Variants in MGA observed in about 807,000 individuals in gnomAD.
MGA encodes the protein MAX dimerization protein MGA, also known as MAX gene-associated protein.
A neutral mutation model predicts 261.1 loss-of-function variants in MGA; 40 were observed. The observed-to-expected ratio is 0.15, with a 90% confidence interval of 0.12 to 0.20. MGA has a LOEUF of 0.20. Ranked by LOEUF, MGA falls within the 10% of genes least tolerant of loss-of-function variation. MGA has a pLI of 1.00. For missense variants in MGA, 3,397 were observed against 3,630.5 expected, an observed-to-expected ratio of 0.94 and a Z score of 1.65; for synonymous variants, 1,302 against 1,290.6, an observed-to-expected ratio of 1.01 and a Z score of -0.19.
intron 15 of MGA, among the ~76,000 whole-genome samples, chr15:41,747,831 ATTTT>A (rs1309580636): frequency 6.6e-6 from 1 of 152,144 alleles, no homozygotes; most frequent in African/African-American, 2.4e-5. Flanking sequence ...TTGATACTCT[ATTTT>A]TTACCATTCT....
intron 1 of MGA, among the ~76,000 whole-genome samples, chr15:41,631,629 G>A (rs143367662): frequency 2.0e-5 from 3 of 152,152 alleles, no homozygotes; most frequent in Non-Finnish European, 2.9e-5. Context: ...TTCCTCCTCC[G>A]CATACTTTGT....
intron 1 of MGA, among the ~76,000 whole-genome samples, chr15:41,651,614 C>CCTCTCTTCTCTCCTCTT (rs2057045866): frequency 1.5e-5 from 1 of 65,262 alleles, no homozygotes; most frequent in Non-Finnish European, 3.8e-5. Context: ...TCCCTTTTCC[C>CCTCTCTTCTCTCCTCTT]CTCTCCTCTC....
rs1233466689 is a variant in MGA at position 41,696,695 on chromosome 15, C to G, written c.1685C>G (p.Thr562Arg). Reference sequence around the variant, plus strand: ...CCTGATATATCTGACAGCATTAGCACAGAAAGAATACTCGACGATTCAAAG... The same window carrying G: ...CCTGATATATCTGACAGCATTAGCAGAGAAAGAATACTCGACGATTCAAAG... The change falls in exon 3 of 24, where the codon ACA (threonine) becomes AGA (arginine). Residue 562 changes from threonine to arginine, a missense_variant. By Grantham distance (71) the Thr-to-Arg change is moderately conservative (BLOSUM62 -1). Transcript: ENST00000219905. The G allele has an allele frequency of 1.9e-6, 3 of 1,612,756 alleles. No individual in the cohort carries two copies. Among genetic ancestry groups the G allele is most frequent in the Middle Eastern group, 1.7e-4 (1 of 6,060 alleles).
intron 5 of MGA, among the ~76,000 whole-genome samples, chr15:41,702,758 T>C (rs962187680): frequency 2.0e-5 from 3 of 152,242 alleles, no homozygotes; most frequent in Non-Finnish European, 2.9e-5. Context: ...ATTGGTCTGC[T>C]TTTTAAGTCT....
intron 7 of MGA, among the ~76,000 whole-genome samples, chr15:41,709,597 A>G (rs1237469061): frequency 6.6e-6 from 1 of 151,648 alleles, no homozygotes; most frequent in African/African-American, 2.4e-5. Flanking sequence ...GGTGTGCGCC[A>G]CCATGCCTGG....
intron 5 of MGA, among the ~76,000 whole-genome samples, chr15:41,706,035 G>T (rs527637264): frequency 6.6e-6 from 1 of 152,032 alleles, no homozygotes; most frequent in African/African-American, 2.4e-5. Flanking sequence ...TCAGGATTTC[G>T]AGAGCAGCCT....
chr15:41,635,169 A>G lies in MGA; in HGVS notation c.-68+13871A>G, dbSNP rs559926656. Reference sequence around the variant, plus strand: ...GCCAACATGGCAAAACCCCATCTCTACTAAAAATACAAAAATTGGCCGGGT... The same window carrying G: ...GCCAACATGGCAAAACCCCATCTCTGCTAAAAATACAAAAATTGGCCGGGT... On this transcript the variant is annotated intron_variant, in intron 1 of 8. Coordinates refer to the MGA transcript ENST00000566718. Among the ~76,000 whole-genome samples the G allele has an allele frequency of 3.3e-5, 5 of 151,972 alleles. No individual in the cohort carries two copies. The South Asian group carries it at 8.3e-4, about 25-fold the overall frequency.
intron 9 of MGA, among the ~76,000 whole-genome samples, chr15:41,722,695 G>A (rs80257413): frequency 0.013 from 2,017 of 152,214 alleles, 49 homozygotes; most frequent in African/African-American, 0.046. Flanking sequence ...GATCCAAAAT[G>A]CCTACAAAAA....
At chr15:41,744,864 ATG>A (rs769190673) in intron 15 of MGA, among the ~76,000 whole-genome samples, 1 of 151,954 alleles carries the variant, frequency 6.6e-6, no homozygotes, top group Admixed American at 6.6e-5. Flanking sequence ...TTATATGTAA[ATG>A]TGTGTGTGTT....
At chr15:41,713,590 A>G in intron 9 of MGA, 94 bp downstream of exon 9, 3 of 1,366,216 alleles carry the variant, frequency 2.2e-6, no homozygotes, top group South Asian at 1.6e-5. Flanking sequence ...ATCCCGATCA[A>G]TTATCCAATA....
chr15:41,676,590 A>G (rs1359898678), intron 2 of MGA, among the ~76,000 whole-genome samples: 1 of 152,142 alleles, frequency 6.6e-6, no homozygotes, highest in Non-Finnish European at 1.5e-5. Flanking sequence ...TATGGCAGGC[A>G]TTTTTAAGGG....
intron 2 of MGA, among the ~76,000 whole-genome samples, chr15:41,676,265 C>G (rs551036185): frequency 6.7e-4 from 102 of 152,270 alleles, no homozygotes; most frequent in African/African-American, 2.4e-3. Flanking sequence ...TCACTGCAAC[C>G]TCCATGTCCT....
At chr15:41,625,667 T>C (rs1267128011) in intron 1 of MGA, among the ~76,000 whole-genome samples, 5 of 152,012 alleles carry the variant, frequency 3.3e-5, no homozygotes, top group African/African-American at 4.8e-5. Flanking sequence ...TGAGCCATGA[T>C]TGTGCCACTG....
chr15:41,722,531 A>G (rs2061005067), intron 9 of MGA, among the ~76,000 whole-genome samples: 1 of 152,190 alleles, frequency 6.6e-6, no homozygotes, highest in Non-Finnish European at 1.5e-5. Flanking sequence ...TTTTATAGGA[A>G]GGGGAGGGAT....
intron 19 of MGA, among the ~76,000 whole-genome samples, chr15:41,758,513 G>A (rs992956933): frequency 6.6e-6 from 1 of 152,044 alleles, no homozygotes; most frequent in Non-Finnish European, 1.5e-5. Context: ...TATTTGCATG[G>A]TTGTAATTAT....
intron 1 of MGA, among the ~76,000 whole-genome samples, chr15:41,662,471 T>C (rs530213273): frequency 2.0e-5 from 3 of 152,344 alleles, no homozygotes; most frequent in African/African-American, 7.2e-5. Context: ...AGATAATATT[T>C]TGACATTTGC....
At chr15:41,678,209 G>A (rs1296682523) in intron 2 of MGA, among the ~76,000 whole-genome samples, 1 of 151,096 alleles carries the variant, frequency 6.6e-6, no homozygotes, top group Non-Finnish European at 1.5e-5. Flanking sequence ...TCCTGCCTCA[G>A]CCTCCTGAGT....
Position 41,670,033 on chromosome 15 carries a change from G to A in MGA, c.1064+75G>A. 2.5e-6 allele frequency: 3 copies of A among 1,208,886 alleles called. No individual in the cohort carries two copies. The South Asian group carries it at 4.5e-5, about 18-fold the overall frequency. The allele number at this position is 1,208,886 out of a possible 1,614,324, so 74.9% of individuals were successfully genotyped here. A position where few individuals can be genotyped will look rare whatever the true frequency, so the allele number is the denominator to read the frequency against. On this transcript the variant is annotated intron_variant, in intron 2 of 23. Coordinates refer to ENST00000219905, the MANE Select transcript of MGA (RefSeq NM_001164273.2). ...GCCAGGTGTTGGATTTAACATCTTG[G>A]TTCTGTGGAATGCTACAGATGTTGA...
intron 4 of MGA, 23 bp from the exon 5 acceptor site, chr15:41,699,041 A>G (rs776390607): frequency 2.5e-6 from 4 of 1,592,708 alleles, no homozygotes; most frequent in Non-Finnish European, 3.4e-6. Flanking sequence ...AGCTTATTTT[A>G]TTACTATTTA....
Sources: allele counts gnomAD v4.1 joint callset (sites outside exome capture counted in the v4.1 genomes callset), GRCh38; gene constraint gnomAD v4.1.1; transcripts MANE v1.5; gene names NCBI Gene and HGNC (gene_info 2026-07-23, HGNC 2026-07-21).